The following DDX60 variants were observed in gnomAD, a reference collection of about 807,000 sequenced individuals.
DDX60 encodes the protein DExD/H-box helicase 60, also known as probable ATP-dependent RNA helicase DDX60.
A neutral mutation model predicts 212.8 loss-of-function variants in DDX60; 165 were observed. The ratio of observed to expected loss-of-function variants is 0.78; its 90% confidence interval spans 0.68 to 0.88. The LOEUF is 0.88. Among genes scored for constraint, DDX60 ranks in the 40% least tolerant of loss-of-function variants. The pLI is 0.00. For missense variants in DDX60, 1,905 were observed against 2,003.9 expected (o/e 0.95, Z 0.94); for synonymous variants, 703 against 685.3 (o/e 1.03, Z -0.40).
intron 7 of DDX60, among the ~76,000 whole-genome samples, chr4:168,293,100 AGTGT>A (rs372054720): frequency 2.7e-4 from 41 of 152,146 alleles, no homozygotes; most frequent in African/African-American, 9.4e-4. Context: ...TGAGTGTGTA[AGTGT>A]GTGTGTGTAT....
chr4:168,269,578 G>A (rs981705813), intron 19 of DDX60, among the ~76,000 whole-genome samples: 2 of 151,858 alleles, frequency 1.3e-5, no homozygotes, highest in African/African-American at 4.8e-5. Context: ...TCCAGCCTGG[G>A]CAACAGAGCG....
At chr4:168,233,099 A>AC (rs1185594364) in intron 33 of DDX60, among the ~76,000 whole-genome samples, 1 of 152,128 alleles carries the variant, frequency 6.6e-6, no homozygotes, top group Admixed American at 6.6e-5. Context: ...CAACAAACAT[A>AC]TGAAAAAAAT....
In DDX60 at chr4:168,290,696, G is replaced by T. The variant is rs1036064645; in HGVS notation, c.1041+1052C>A. On this transcript the variant is annotated intron_variant, in intron 8 of 37. Coordinates refer to ENST00000393743, the MANE Select transcript of DDX60 (RefSeq NM_017631.6). ...AGAAACACCATCGTTTTCAGACTAC[G>T]TTGGATCTTTTTATTATCAGATTAT... Among the ~76,000 whole-genome samples the T allele has an allele frequency of 2.0e-5, 3 of 151,994 alleles. 1 individual carries two copies. The highest frequency in any genetic ancestry group is 4.1e-4 in the South Asian group (2 of 4,824).
Position 168,311,083 on chromosome 4 carries a change from AAG to A in DDX60, c.5-18_5-17del. On this transcript the variant is annotated splice_polypyrimidine_tract_variant and intron_variant, in intron 2 of 37. Coordinates refer to ENST00000393743, the MANE Select transcript of DDX60 (RefSeq NM_017631.6). ...ACATTTCTTTCTAAATTTAAAAAAA[AAG>A]AGAGAAAGAGAATGGGTTATTTTTC... 6.7e-7 allele frequency: 1 copy of A among 1,502,368 alleles called. No homozygotes were observed. Among genetic ancestry groups the A allele is most frequent in the South Asian group, 1.2e-5 (1 of 85,016 alleles). 93.1% of individuals were successfully genotyped at this position (1,502,368 alleles called of 1,614,324 possible).
chr4:168,262,539 T>G (rs561881024), intron 23 of DDX60, 144 bp downstream of exon 23: 1 of 582,610 alleles, frequency 1.7e-6, no homozygotes, highest in East Asian at 3.2e-5. Flanking sequence ...ACAGATAATG[T>G]TAGAAATATG....
intron 7 of DDX60, 94 bp from the exon 8 acceptor site, chr4:168,292,000 G>A (rs1162631997): frequency 4.1e-6 from 3 of 734,954 alleles, no homozygotes; most frequent in African/African-American, 1.9e-5. Flanking sequence ...AGCTACCTTT[G>A]CTGTTCAGGA....
rs1560869854 is a variant in DDX60, at chr4:168,297,292, AGAG to A, written c.724-3350_724-3348del. 1.5e-4 allele frequency among the ~76,000 whole-genome samples: 21 copies of A among 137,292 alleles called. 1 individual carries two copies. The highest frequency in any genetic ancestry group is 6.7e-4 in the African/African-American group (21 of 31,186). 90.1% of individuals were successfully genotyped at this position (137,292 alleles called of 152,430 possible). ...GAAAAAGAAAGAAAGAAAGAGAGAG[AGAG>A]ACGAAAGAAAGAAAGAAAGAAAGAA... On this transcript the variant is annotated intron_variant, in intron 6 of 37. Transcript: ENST00000393743.
At chr4:168,264,354 A>C (rs1734751551) in intron 22 of DDX60, among the ~76,000 whole-genome samples, 1 of 152,228 alleles carries the variant, frequency 6.6e-6, no homozygotes, top group South Asian at 2.1e-4. Flanking sequence ...AAAGATAGCT[A>C]AATGCTAAGG....
In DDX60 at chr4:168,306,618, A is replaced by G; in HGVS notation, c.367T>C (p.Phe123Leu). 1 of 1,614,122 alleles carries G rather than the reference A, an allele frequency of 6.2e-7. No individual in the cohort carries two copies. The highest frequency in any genetic ancestry group is 8.5e-7 in the Non-Finnish European group (1 of 1,179,972). The part of the protein sequence containing the change: ...KNTTIDVRTT[F>L]SRCLSKEWGS... The stretch of plus-strand genomic sequence containing the variant: ...CACTCTTTTGATAAGCATCTCGAAA[A>G]TGTTGTTCGAACATCAATGGTGGTA... Residue 123 changes from phenylalanine (F) to leucine (L), a missense_variant, in exon 5 of 38, where the codon TTT (phenylalanine) becomes CTT (leucine). By Grantham distance (22) the Phe-to-Leu change is conservative. Transcript: ENST00000393743.
intron 33 of DDX60, chr4:168,235,967 C>A: frequency 3.2e-6 from 1 of 309,202 alleles, no homozygotes; most frequent in South Asian, 3.8e-5. Flanking sequence ...ATTAGCATAT[C>A]TTTTCTTTAG....
chr4:168,237,892 C>A, intron 30 of DDX60, 97 bp from the exon 31 acceptor site: 1 of 823,940 alleles, frequency 1.2e-6, no homozygotes, highest in Non-Finnish European at 1.8e-6. Context: ...TATTATACCA[C>A]AAAGATATCA....
At position 168,284,879 on chromosome 4, in the gene DDX60, T is replaced by G. The variant is rs764319785; in HGVS notation, c.1502A>C (p.His501Pro). ...VKQKEFDELV[H>P]WHSHKPLSDD... is the part of the protein sequence containing the mutation. Reference sequence around the variant, plus strand: ...ACTCAGGGGTTTATGAGAATGCCAGTGCACAAGTTCATCAAATTCCTTTTG... The same window carrying G: ...ACTCAGGGGTTTATGAGAATGCCAGGGCACAAGTTCATCAAATTCCTTTTG... Residue 501 changes from histidine to proline, a missense_variant, in exon 12 of 38, where the codon CAC becomes CCC. His to Pro is a moderately conservative substitution (Grantham distance 77). Transcript: ENST00000393743. 2.5e-6 allele frequency: 4 copies of G among 1,598,816 alleles called. No individual in the cohort carries two copies. The highest frequency in any genetic ancestry group is 3.4e-6 in the Non-Finnish European group (4 of 1,170,568).
intron 13 of DDX60, among the ~76,000 whole-genome samples, chr4:168,280,843 T>C (rs1457195291): frequency 2.6e-5 from 4 of 152,170 alleles, no homozygotes; most frequent in Non-Finnish European, 5.9e-5. Flanking sequence ...GGTTTATAAA[T>C]AAAACAGTAA....
intron 30 of DDX60, among the ~76,000 whole-genome samples, chr4:168,241,340 G>T (rs1733830462): frequency 6.6e-6 from 1 of 152,180 alleles, no homozygotes; most frequent in South Asian, 2.1e-4. Flanking sequence ...TTTGGAATTG[G>T]GTACTAGGCA....
At chr4:168,272,615 G>T (rs1448146297) in intron 18 of DDX60, among the ~76,000 whole-genome samples, 5 of 152,198 alleles carry the variant, frequency 3.3e-5, no homozygotes, top group African/African-American at 7.2e-5. Flanking sequence ...TGTCAGAGTT[G>T]TTCCACATCA....
At position 168,274,840 on chromosome 4, in the gene DDX60, A is replaced by C. The variant is rs138410723; in HGVS notation, c.2304+505T>G. Among the ~76,000 whole-genome samples, 562 of 152,334 alleles carry C rather than the reference A, an allele frequency of 3.7e-3. 1 individual carries two copies. Among genetic ancestry groups the C allele is most frequent in the African/African-American group, 0.012 (514 of 41,568 alleles). On this transcript the variant is annotated intron_variant, in intron 16 of 37. Transcript: ENST00000393743. Reference sequence around the variant, plus strand: ...TTCTGTAGGCAAACATGTTCAATTTATCAGCAAGTTGGTATGGTTCAATGT... The same window carrying C: ...TTCTGTAGGCAAACATGTTCAATTTCTCAGCAAGTTGGTATGGTTCAATGT...
chr4:168,264,811 C>A (rs980012763), intron 22 of DDX60, among the ~76,000 whole-genome samples: 8 of 152,156 alleles, frequency 5.3e-5, no homozygotes, highest in South Asian at 2.1e-4. Flanking sequence ...GGATCCAATT[C>A]AGTTGTTCTC....
intron 12 of DDX60, 57 bp from the exon 13 acceptor site, chr4:168,283,663 A>C: frequency 4.3e-4 from 555 of 1,280,204 alleles, no homozygotes; most frequent in Non-Finnish European, 5.5e-4. Context: ...TAGCATTCTC[A>C]TCAATTCTTC....
Position 168,255,825 on chromosome 4 carries a change from G to C in DDX60, c.3443C>G (p.Thr1148Ser). 1 of 1,604,352 alleles carries C rather than the reference G, an allele frequency of 6.2e-7. No individual in the cohort carries two copies. The change falls in exon 26 of 38, where the codon ACT becomes AGT. Residue 1148 changes from threonine (T) to serine (S), a missense_variant. Thr to Ser is a moderately conservative substitution (Grantham distance 58). Transcript: ENST00000393743. ...TGTCTCCTGCTTTTTCTTTAGGAAA[G>C]TGCTCACACTTTCAGCTGCGTTTTC... is the stretch of plus-strand genomic sequence containing the variant. ...AVENAAESVS[T>S]FLKKKQETKR... is the part of the protein sequence containing the mutation.
Sources: allele counts gnomAD v4.1 joint callset (sites outside exome capture counted in the v4.1 genomes callset), GRCh38; gene constraint gnomAD v4.1.1; transcripts MANE v1.5; gene names NCBI Gene and HGNC (gene_info 2026-07-23, HGNC 2026-07-21).